Variants in ERICH3 observed in about 807,000 individuals in gnomAD.
ERICH3 encodes the protein glutamate rich 3, also known as glutamate-rich protein 3.
ERICH3 carries 126 observed loss-of-function variants against 131.1 expected under a neutral mutation model. The observed-to-expected ratio is 0.96, with a 90% confidence interval of 0.83 to 1.11. The LOEUF is 1.11. Ranked by LOEUF, ERICH3 falls within the 50% of genes most tolerant of loss-of-function variation. The pLI is 0.00. For synonymous variants in ERICH3, 695 were observed against 644.6 expected, an observed-to-expected ratio of 1.08 and a Z score of -1.18; for missense variants, 2,050 against 1,810.7, an observed-to-expected ratio of 1.13 and a Z score of -2.40.
intron 11 of ERICH3, among the ~76,000 whole-genome samples, chr1:74,594,653 C>T (rs1046274817): frequency 2.6e-5 from 4 of 152,118 alleles, no homozygotes; most frequent in South Asian, 4.1e-4. Context: ...AATAGATCCA[C>T]TGTACATGTT....
Position 74,620,841 on chromosome 1 carries a change from A to G in ERICH3, c.893T>C (p.Val298Ala). The change falls in exon 8 of 15, where the codon GTG becomes GCG. Residue 298 changes from valine (V) to alanine (A), a missense_variant. Physicochemically the swap from Val to Ala is moderately conservative, Grantham distance 64. Coordinates refer to ENST00000326665, the MANE Select transcript of ERICH3 (RefSeq NM_001002912.5). ...GTCAGGATTATCAGAAGATAGGTGC[A>G]CATTTTTCCCCAAATAGATCATTGT... ...AITMIYLGKNVHLSSDNPDFR... is the reference protein window; with the variant it reads ...AITMIYLGKNAHLSSDNPDFR... The G allele has an allele frequency of 6.2e-7, 1 of 1,613,006 alleles. No individual in the cohort carries two copies. Among genetic ancestry groups the G allele is most frequent in the Non-Finnish European group, 8.5e-7 (1 of 1,179,308 alleles).
At chr1:74,584,454 A>T (rs1647243191) in intron 12 of ERICH3, among the ~76,000 whole-genome samples, 1 of 151,940 alleles carries the variant, frequency 6.6e-6, no homozygotes, top group Admixed American at 6.6e-5. Context: ...CCTCATTTCC[A>T]ATTCCTTCAT....
rs1208708638 is a variant in ERICH3 at position 74,569,305 on chromosome 1, G to C, written c.*1153C>G. 1.3e-5 allele frequency: 2 copies of C among 152,012 alleles called. No homozygotes were observed. Among genetic ancestry groups the C allele is most frequent in the Non-Finnish European group, 2.9e-5 (2 of 68,010 alleles). The allele number at this position is 152,012 out of a possible 1,614,324, so 9.4% of individuals were successfully genotyped here. A position where few individuals can be genotyped will look rare whatever the true frequency, so the allele number is the denominator to read the frequency against. On this transcript the variant is annotated 3_prime_UTR_variant, in exon 15 of 15. Coordinates refer to ENST00000326665, the MANE Select transcript of ERICH3 (RefSeq NM_001002912.5). ...CCATGAAAATCTAATGTATATTCTG[G>C]CTGGAAAATCACTGCTTAAGGAAAT...
rs370281065 is a variant in ERICH3, at chr1:74,572,535, C to G, written c.3175G>C (p.Glu1059Gln). 6.2e-7 allele frequency: 1 copy of G among 1,614,096 alleles called. No individual in the cohort carries two copies. Residue 1059 changes from glutamate to glutamine, a missense_variant, in exon 14 of 15, where the codon GAG becomes CAG. Coordinates refer to ENST00000326665, the MANE Select transcript of ERICH3 (RefSeq NM_001002912.5). Reference sequence around the variant, plus strand: ...TTTGGCCTCTCAGCTTTCCTTCGCTCTCTTGCTAAATCTAATTCCTTGGGT... The same window carrying G: ...TTTGGCCTCTCAGCTTTCCTTCGCTGTCTTGCTAAATCTAATTCCTTGGGT... ...ILPKELDLAR[E>Q]RRKAERPKTS... is the part of the protein sequence containing the mutation.
intron 7 of ERICH3, among the ~76,000 whole-genome samples, chr1:74,627,479 T>A (rs1047581300): frequency 5.9e-5 from 9 of 151,916 alleles, no homozygotes; most frequent in African/African-American, 1.9e-4. Context: ...TCTAAATATA[T>A]CACTAAACAA....
chr1:74,574,410 A>G (rs1647015397), intron 13 of ERICH3, among the ~76,000 whole-genome samples: 1 of 152,184 alleles, frequency 6.6e-6, no homozygotes, highest in African/African-American at 2.4e-5. Flanking sequence ...CTCCCAGATG[A>G]TAAGCTACTA....
chr1:74,642,332 G>GT (rs1250907880), intron 4 of ERICH3, among the ~76,000 whole-genome samples: 1 of 152,050 alleles, frequency 6.6e-6, no homozygotes, highest in Non-Finnish European at 1.5e-5. Flanking sequence ...TTTGTGAAAC[G>GT]TATCTTAGGC....
chr1:74,657,783 C>A (rs536631223), intron 1 of ERICH3, among the ~76,000 whole-genome samples: 43 of 152,088 alleles, frequency 2.8e-4, no homozygotes, highest in African/African-American at 1.0e-3. Flanking sequence ...CTAAGTTTGA[C>A]CAGTTGCATA....
At chr1:74,604,231 G>C (rs1648279428) in intron 10 of ERICH3, among the ~76,000 whole-genome samples, 1 of 151,802 alleles carries the variant, frequency 6.6e-6, no homozygotes, top group Non-Finnish European at 1.5e-5. Context: ...TTTATAATGA[G>C]ATTGCAAAAA....
At chr1:74,655,568 G>A (rs1416067679) in intron 1 of ERICH3, among the ~76,000 whole-genome samples, 2 of 152,132 alleles carry the variant, frequency 1.3e-5, no homozygotes, top group African/African-American at 2.4e-5. Flanking sequence ...GGACCTTTGT[G>A]ATTACATGGG....
At chr1:74,667,784 G>A (rs180909843) in intron 1 of ERICH3, among the ~76,000 whole-genome samples, 1 of 152,262 alleles carries the variant, frequency 6.6e-6, no homozygotes, top group Non-Finnish European at 1.5e-5. Context: ...TTTCCTGGGG[G>A]ACCTTGGATA....
intron 11 of ERICH3, among the ~76,000 whole-genome samples, chr1:74,598,986 C>T (rs972113139): frequency 2.0e-5 from 3 of 151,728 alleles, no homozygotes; most frequent in Non-Finnish European, 2.9e-5. Context: ...TATTCATACA[C>T]GTATTGACTT....
At chr1:74,635,998 A>C (rs2100628456) in intron 6 of ERICH3, among the ~76,000 whole-genome samples, 1 of 152,286 alleles carries the variant, frequency 6.6e-6, no homozygotes, top group East Asian at 1.9e-4. Flanking sequence ...GGTTCAGAAA[A>C]GTTTTCCCCT....
In ERICH3 at chr1:74,572,756, T is replaced by C; in HGVS notation, c.2954A>G (p.Lys985Arg). Residue 985 changes from lysine to arginine, a missense_variant, in exon 14 of 15, where the codon AAA (lysine) becomes AGA (arginine). By Grantham distance (26) the Lys-to-Arg change is conservative. Coordinates refer to ENST00000326665, the MANE Select transcript of ERICH3 (RefSeq NM_001002912.5). ...GCGTGTTTCTGTTCTCATAACCTCT[T>C]TTCTCTCTTTGGCTGGTTCCTCTCC... ...LGGEEPAKER[K>R]EVMRTETRLS... 7 of 1,613,884 alleles carry C rather than the reference T, an allele frequency of 4.3e-6. No individual in the cohort carries two copies. Among genetic ancestry groups the C allele is most frequent in the African/African-American group, 1.3e-5 (1 of 74,954 alleles).
chr1:74,661,318 C>A (rs1408394032), intron 1 of ERICH3, among the ~76,000 whole-genome samples: 2 of 152,098 alleles, frequency 1.3e-5, no homozygotes, highest in East Asian at 3.9e-4. Flanking sequence ...GTCTTGAATT[C>A]TCAAATTTGA....
At position 74,573,240 on chromosome 1, in the gene ERICH3, C is replaced by A. The variant is rs367677230; in HGVS notation, c.2470G>T (p.Glu824Ter). The A allele has an allele frequency of 2.5e-6, 4 of 1,603,880 alleles. No homozygotes were observed. The highest frequency in any genetic ancestry group is 3.4e-6 in the Non-Finnish European group (4 of 1,175,960). ...PTAEQPELAE[E>*]FTEKREIPPG... is the part of the protein sequence containing the mutation. Reference sequence around the variant, plus strand: ...GGGATCTCCCTTTTTTCTGTAAACTCTTCTGCCAATTCTGGCTGCTCTGCT... The same window carrying A: ...GGGATCTCCCTTTTTTCTGTAAACTATTCTGCCAATTCTGGCTGCTCTGCT... Residue 824 changes from glutamate to a stop codon, truncating the protein, a stop_gained, in exon 14 of 15, where the codon GAG (glutamate) becomes TAG (stop). Transcript: ENST00000326665. LOFTEE classifies it high-confidence loss of function.
chr1:74,641,540 A>G lies in ERICH3; in HGVS notation c.316-81T>C. 3 of 1,412,644 alleles carry G rather than the reference A, an allele frequency of 2.1e-6. No homozygotes were observed. The South Asian group carries it at 3.8e-5, about 18-fold the overall frequency. 87.5% of individuals were successfully genotyped at this position (1,412,644 alleles called of 1,614,324 possible). ...TTATGCATGACATGTGCGAAATACTATATGACTAAAGAAATTCTTTCTCAT... is the reference window on the plus strand; with the variant it reads ...TTATGCATGACATGTGCGAAATACTGTATGACTAAAGAAATTCTTTCTCAT... On this transcript the variant is annotated intron_variant, in intron 4 of 14. Coordinates refer to ENST00000326665, the MANE Select transcript of ERICH3 (RefSeq NM_001002912.5).
At chr1:74,601,494 G>A (rs183769366) in intron 10 of ERICH3, among the ~76,000 whole-genome samples, 226 of 151,962 alleles carry the variant, frequency 1.5e-3, no homozygotes, top group African/African-American at 5.2e-3. Context: ...TCAACACAAT[G>A]GGGCTGGGTT....
rs1174287164 is a variant in ERICH3 at position 74,571,333 on chromosome 1, A to T, written c.4377T>A (p.Thr1459=). 2 of 1,613,702 alleles carry T rather than the reference A, an allele frequency of 1.2e-6. No individual in the cohort carries two copies. Among genetic ancestry groups the T allele is most frequent in the Non-Finnish European group, 1.7e-6 (2 of 1,179,976 alleles). ...TCTCCTGCCTCCCATCGCCACTCCC[A>T]GTGGCTGCCTCCTGGCCCTCTGACC... is the stretch of plus-strand genomic sequence containing the variant. The part of the protein sequence containing the change: ...EEGSEGQEAA[T]GSGDGRQETG... Residue 1459 remains threonine, a synonymous_variant, in exon 14 of 15, where the codon ACT becomes ACA. Transcript: ENST00000326665.
Sources: gnomAD v4.1 joint callset for allele counts (sites outside exome capture counted in the v4.1 genomes callset) on GRCh38, gnomAD v4.1.1 for gene constraint, MANE v1.5 for transcripts, NCBI Gene and HGNC (gene_info 2026-07-23, HGNC 2026-07-21) for gene names.